The following IKBIP variants were observed in gnomAD, a reference collection of about 807,000 sequenced individuals.
IKBIP encodes the protein IKBKB interacting protein.
In IKBIP, 28 loss-of-function variants were observed where a neutral mutation model predicts 31.0. The ratio of observed to expected loss-of-function variants is 0.90; its 90% CI spans 0.67 to 1.24. The LOEUF is 1.24. IKBIP is among the 50% of genes most tolerant of loss of function. The pLI is 0.00. For missense variants in IKBIP, 453 were observed against 441.9 expected, an observed-to-expected ratio of 1.03 and a Z score of -0.23; for synonymous variants, 164 against 160.3, an observed-to-expected ratio of 1.02 and a Z score of -0.17.
chr12:98,631,149 G>C (rs2153298614), intron 2 of IKBIP, among the ~76,000 whole-genome samples: 1 of 152,020 alleles, frequency 6.6e-6, no homozygotes, highest in Admixed American at 6.6e-5. Context: ...GGTCAGGCTG[G>C]TCCTGAACTT....
intron 2 of IKBIP, among the ~76,000 whole-genome samples, chr12:98,630,889 A>G (rs1397607860): frequency 1.3e-5 from 2 of 152,032 alleles, no homozygotes; most frequent in Non-Finnish European, 2.9e-5. Flanking sequence ...CCAGGGCAGA[A>G]TGGGAGAAAA....
intron 2 of IKBIP, among the ~76,000 whole-genome samples, chr12:98,630,367 G>A (rs146929640): frequency 0.061 from 5,075 of 83,688 alleles, 158 homozygotes; most frequent in Middle Eastern, 0.34. Flanking sequence ...TGGGCAACAA[G>A]AGCCTGGGCA....
At chr12:98,627,251 G>C (rs573741824) in intron 2 of IKBIP, among the ~76,000 whole-genome samples, 2 of 149,094 alleles carry the variant, frequency 1.3e-5, no homozygotes, top group South Asian at 4.3e-4. Context: ...TTACAGGCGA[G>C]AGCTGCCGCG....
Position 98,644,630 on chromosome 12 carries a change from G to T in IKBIP, c.72C>A (p.Ser24Arg), listed in dbSNP as rs2097636689. 1 of 1,610,486 alleles carries T rather than the reference G, an allele frequency of 6.2e-7. No homozygotes were observed. Among genetic ancestry groups the T allele is most frequent in the Non-Finnish European group, 8.5e-7 (1 of 1,179,170 alleles). ...GAPAAEPGKR[S>R]EGGKTPVARS... ...GGGCCACGGGGGTCTTCCCGCCCTCGCTCCGCTTCCCGGGCTCCGCAGCAG... is the reference window on the plus strand; with the variant it reads ...GGGCCACGGGGGTCTTCCCGCCCTCTCTCCGCTTCCCGGGCTCCGCAGCAG... The change falls in exon 1 of 3, where the codon AGC becomes AGA. Residue 24 changes from serine to arginine, a missense_variant. Ser to Arg is a moderately radical substitution (Grantham distance 110). Coordinates refer to ENST00000299157, the MANE Select transcript of IKBIP (RefSeq NM_153687.4).
downstream of IKBIP, among the ~76,000 whole-genome samples, chr12:98,621,993 T>C (rs2097610531): frequency 6.6e-6 from 1 of 151,548 alleles, no homozygotes; most frequent in Non-Finnish European, 1.5e-5. Context: ...GGAGAACCGC[T>C]TGAACCCGGG....
exon 3 of IKBIP, chr12:98,614,174 G>A (rs1325457695): frequency 2.5e-6 from 4 of 1,613,828 alleles, no homozygotes; most frequent in Non-Finnish European, 3.4e-6. Context: ...GTCTACTTTT[G>A]TAATGTCTTG....
In IKBIP at chr12:98,634,844, C is replaced by G. The variant is rs547556748; in HGVS notation, c.180-431G>C. Among the ~76,000 whole-genome samples, 1,327 of 149,820 alleles carry G rather than the reference C, an allele frequency of 8.9e-3. 26 individuals carry two copies. Among genetic ancestry groups the G allele is most frequent in the Non-Finnish European group, 9.5e-3 (641 of 67,554 alleles). ...CCTGCCTCAGCCTCCCGAGTAGCTA[C>G]GACTACAGGCGCCTGCCACCACGCC... On this transcript the variant is annotated intron_variant, in intron 1 of 2. Coordinates refer to ENST00000299157, the MANE Select transcript of IKBIP (RefSeq NM_153687.4).
At chr12:98,623,139 C>T (rs973001885), downstream of IKBIP, among the ~76,000 whole-genome samples, 2 of 150,580 alleles carry the variant, frequency 1.3e-5, no homozygotes, top group Admixed American at 6.6e-5. Context: ...CTACCATGCC[C>T]GGCTAATTTT....
intron 2 of IKBIP, among the ~76,000 whole-genome samples, chr12:98,632,858 C>A (rs909248075): frequency 6.6e-6 from 1 of 151,922 alleles, no homozygotes; most frequent in African/African-American, 2.4e-5. Context: ...AACTCCTGAC[C>A]TCAAGGTGAT....
Position 98,644,434 on chromosome 12 carries a change from T to C in IKBIP, c.179+89A>G, listed in dbSNP as rs2097635837. ...GAAGGCCCAGGTCTGGGAGGTTGGA[T>C]CACCTCCGGCTGGATGTTGAGCCGG... On this transcript the variant is annotated intron_variant, in intron 1 of 2. Coordinates refer to ENST00000299157, the MANE Select transcript of IKBIP (RefSeq NM_153687.4). 9 of 1,295,750 alleles carry C rather than the reference T, an allele frequency of 6.9e-6. No homozygotes were observed. In the East Asian group the frequency reaches 2.4e-4, roughly 34 times the overall value. 80.3% of individuals were successfully genotyped at this position (1,295,750 alleles called of 1,614,324 possible).
In IKBIP at chr12:98,624,801, T is replaced by TTTAA. The variant is rs1165960520; in HGVS notation, c.*1128_*1129insTTAA. ...CCTCAAAACAGGCCACAGGCTTATTTTTATTTATTTATTTATTTATTGAGA... is the reference window on the plus strand; with the variant it reads ...CCTCAAAACAGGCCACAGGCTTATTTTTAATTATTTATTTATTTATTTATTGAGA... On this transcript the variant is annotated 3_prime_UTR_variant, in exon 3 of 3. Coordinates refer to ENST00000299157, the MANE Select transcript of IKBIP (RefSeq NM_153687.4). 1 of 786,530 alleles carries TTTAA rather than the reference T, an allele frequency of 1.3e-6. No homozygotes were observed. 48.7% of individuals were successfully genotyped at this position (786,530 alleles called of 1,614,324 possible). A position where few individuals can be genotyped will look rare whatever the true frequency, so the allele number is the denominator to read the frequency against.
exon 3 of IKBIP, chr12:98,614,017 T>A: frequency 6.2e-7 from 1 of 1,609,974 alleles, no homozygotes; most frequent in East Asian, 2.2e-5. Flanking sequence ...CTGTATTTTT[T>A]TCTACTTTCT....
chr12:98,641,294 C>A (rs1320034653), intron 1 of IKBIP, among the ~76,000 whole-genome samples: 1 of 152,066 alleles, frequency 6.6e-6, no homozygotes, highest in African/African-American at 2.4e-5. Flanking sequence ...CACACATATG[C>A]ACTTGTATTT....
At chr12:98,632,499 AAAAAAAAAAAAAAATATATATATATAT>A (rs1258753915) in intron 2 of IKBIP, among the ~76,000 whole-genome samples, 1 of 64,840 alleles carries the variant, frequency 1.5e-5, no homozygotes, top group African/African-American at 6.2e-5. Context: ...AAAAAAAAAA[AAAAAAAAAAAAAAATATATATATATAT>A]ATATATATAT....
intron 2 of IKBIP, among the ~76,000 whole-genome samples, chr12:98,633,614 T>C (rs2097623094): frequency 6.8e-6 from 1 of 147,774 alleles, no homozygotes; most frequent in East Asian, 2.1e-4. Flanking sequence ...CCTCCCAGGT[T>C]CAAGAGATTC....
At chr12:98,629,236 ATGT>A (rs1565841165) in intron 2 of IKBIP, among the ~76,000 whole-genome samples, 1 of 152,190 alleles carries the variant, frequency 6.6e-6, no homozygotes, top group Non-Finnish European at 1.5e-5. Flanking sequence ...CCACTCTGAA[ATGT>A]TGTTTAAAAT....
intron 1 of IKBIP, among the ~76,000 whole-genome samples, chr12:98,639,175 G>A (rs975713552): frequency 1.3e-5 from 2 of 152,070 alleles, no homozygotes; most frequent in South Asian, 4.2e-4. Context: ...CAGCTAGCTG[G>A]GATTACAGGT....
chr12:98,619,354 T>C (rs2097608281), downstream of IKBIP, among the ~76,000 whole-genome samples: 5 of 151,938 alleles, frequency 3.3e-5, no homozygotes, highest in South Asian at 1.0e-3. Context: ...ACAATTAAGA[T>C]GTTGATGAAT....
rs2097623624 is a variant in IKBIP at position 98,634,207 on chromosome 12, G to A, written c.297+89C>T. ...TAAAATAGTGATGGTCTAAAAGGCA[G>A]GAAGAAAGAAGTTCTGAGCTGGGAT... On this transcript the variant is annotated intron_variant, in intron 2 of 2. Coordinates refer to ENST00000299157, the MANE Select transcript of IKBIP (RefSeq NM_153687.4). The A allele has an allele frequency of 4.3e-6, 3 of 692,756 alleles. No individual in the cohort carries two copies. The Admixed American group carries it at 7.1e-5, about 16-fold the overall frequency. The allele number at this position is 692,756 out of a possible 1,614,324, so 42.9% of individuals were successfully genotyped here.
Sources: allele counts gnomAD v4.1 joint callset (sites outside exome capture counted in the v4.1 genomes callset), GRCh38; gene constraint gnomAD v4.1.1; transcripts MANE v1.5; gene names NCBI Gene and HGNC (gene_info 2026-07-23, HGNC 2026-07-21).